Variants in ANKMY1 observed in about 807,000 individuals in gnomAD.
ANKMY1 encodes the protein ankyrin repeat and MYND domain containing 1, also known as ankyrin repeat and MYND domain-containing protein 1.
A neutral mutation model predicts 102.0 loss-of-function variants in ANKMY1; 98 were observed. That is an observed-to-expected ratio of 0.96 (90% CI 0.82 to 1.14). ANKMY1 has a LOEUF of 1.14. ANKMY1 is among the 50% of genes most tolerant of loss of function. The probability of loss-of-function intolerance (pLI) is 0.00; values close to 1 mark genes in which losing one functional copy is unlikely to be tolerated. For missense variants in ANKMY1, 1,330 were observed against 1,347.6 expected (o/e 0.99, Z 0.20); for synonymous variants, 582 against 559.9 (o/e 1.04, Z -0.56).
chr2:240,516,599 A>T (rs1336175695), intron 9 of ANKMY1, among the ~76,000 whole-genome samples: 1 of 152,256 alleles, frequency 6.6e-6, no homozygotes, highest in East Asian at 1.9e-4. Context: ...GTCTTTAACT[A>T]TGGCTGTCCT....
Position 240,520,148 on chromosome 2 carries a change from A to C in ANKMY1, c.2004+214T>G, listed in dbSNP as rs2081912546. ...CACACGGATCGTGAAGTACTCTAAA[A>C]ACTAGCTCGGTGTCCAAATCCTGTC... On this transcript the variant is annotated intron_variant, in intron 9 of 17. Transcript: ENST00000401804. The surrounding 1 kb of genome is among the most constrained non-coding windows in gnomAD (Gnocchi z 4.8). 1.2e-6 allele frequency: 1 copy of C among 805,390 alleles called. No individual in the cohort carries two copies. The highest frequency in any genetic ancestry group is 1.7e-5 in the African/African-American group (1 of 58,942). The allele number at this position is 805,390 out of a possible 1,614,324, so 49.9% of individuals were successfully genotyped here.
intron 4 of ANKMY1, among the ~76,000 whole-genome samples, chr2:240,544,039 G>C (rs1467935503): frequency 6.6e-6 from 1 of 152,090 alleles, no homozygotes; most frequent in Non-Finnish European, 1.5e-5. Context: ...GAATAATTTT[G>C]TCCAACTTAG....
Position 240,481,114 on chromosome 2 carries a change from C to T in ANKMY1, c.2886-17G>A. On this transcript the variant is annotated splice_polypyrimidine_tract_variant and intron_variant, in intron 16 of 17. Coordinates refer to ENST00000401804, the MANE Select transcript of ANKMY1 (RefSeq NM_001282771.3). ...AAGGGAATTCTGCAACAGAGCCTCA[C>T]CGTCAGCAGGCGGCCACTCCAGAAC... 2 of 1,599,402 alleles carry T rather than the reference C, an allele frequency of 1.3e-6. No homozygotes were observed. Among genetic ancestry groups the T allele is most frequent in the South Asian group, 1.1e-5 (1 of 90,692 alleles).
intron 10 of ANKMY1, 87 bp downstream of exon 10, chr2:240,512,715 C>T (rs1317889982): frequency 4.8e-6 from 7 of 1,454,510 alleles, no homozygotes; most frequent in Non-Finnish European, 6.4e-6. Flanking sequence ...TCATGCTCGG[C>T]AAGCACAGGC....
At chr2:240,550,439 A>T (rs2091302304) in intron 4 of ANKMY1, among the ~76,000 whole-genome samples, 2 of 151,884 alleles carry the variant, frequency 1.3e-5, no homozygotes, top group African/African-American at 4.8e-5. Flanking sequence ...GGTGCAGCAT[A>T]CCAGCATGGC....
chr2:240,553,849 T>C (rs11682225), intron 3 of ANKMY1: 94,486 of 151,856 alleles, frequency 0.62, 30,349 homozygotes, highest in South Asian at 0.83. Context: ...GAGCCGAGAT[T>C]GTGCCATTTG....
At chr2:240,484,598 C>T (rs1293057632) in intron 15 of ANKMY1, among the ~76,000 whole-genome samples, 2 of 152,274 alleles carry the variant, frequency 1.3e-5, no homozygotes, top group Non-Finnish European at 2.9e-5. Flanking sequence ...GCCATAAAAA[C>T]GCTAGAAGAA....
upstream of ANKMY1, chr2:240,560,412 A>C: frequency 9.5e-6 from 3 of 314,638 alleles, no homozygotes; most frequent in Non-Finnish European, 1.1e-5. Flanking sequence ...GCGCCCGGGG[A>C]CAGAGAACAT....
intron 4 of ANKMY1, among the ~76,000 whole-genome samples, chr2:240,540,401 G>C (rs2088387106): frequency 6.6e-6 from 1 of 152,146 alleles, no homozygotes; most frequent in South Asian, 2.1e-4. Flanking sequence ...CACAGAAATT[G>C]ACCCTTCTGG....
chr2:240,514,201 A>G (rs1387707795), intron 9 of ANKMY1, among the ~76,000 whole-genome samples: 2 of 152,234 alleles, frequency 1.3e-5, no homozygotes, highest in East Asian at 3.8e-4. Flanking sequence ...AAAACAGCAG[A>G]AGCACAAAGA....
At chr2:240,481,124 G>A (rs763629400) in intron 16 of ANKMY1, 27 bp from the exon 17 acceptor site, 12 of 1,597,848 alleles carry the variant, frequency 7.5e-6, no homozygotes, top group Non-Finnish European at 1.0e-5. Flanking sequence ...CCGTCAGCAG[G>A]CGGCCACTCC....
intron 17 of ANKMY1, among the ~76,000 whole-genome samples, chr2:240,480,435 C>T (rs541385146): frequency 1.3e-5 from 2 of 152,324 alleles, no homozygotes; most frequent in African/African-American, 4.8e-5. Flanking sequence ...GAGGGGCTTG[C>T]GGGAGACCAG....
chr2:240,550,744 T>C (rs1053852750), intron 4 of ANKMY1, among the ~76,000 whole-genome samples: 1 of 152,214 alleles, frequency 6.6e-6, no homozygotes, highest in African/African-American at 2.4e-5. Context: ...TATGACATTC[T>C]TGAAATTCTA....
Position 240,499,832 on chromosome 2 carries a change from C to G in ANKMY1, c.2806+126G>C, listed in dbSNP as rs772287106. 7.9e-7 allele frequency: 1 copy of G among 1,266,570 alleles called. No individual in the cohort carries two copies. Among genetic ancestry groups the G allele is most frequent in the Non-Finnish European group, 1.1e-6 (1 of 941,838 alleles). 78.5% of individuals were successfully genotyped at this position (1,266,570 alleles called of 1,614,324 possible). On this transcript the variant is annotated intron_variant, in intron 15 of 17. Transcript: ENST00000401804. The surrounding 1 kb of genome is among the most constrained non-coding windows in gnomAD (Gnocchi z 4.2). ...ACGGGACACAAAGGGGACAAGCCGA[C>G]GAGCCCAGCCCCAGGAAGGCCCCTC... is the stretch of plus-strand genomic sequence containing the variant.
Position 240,529,180 on chromosome 2 carries a change from G to A in ANKMY1, c.810C>T (p.Pro270=). Residue 270 remains proline, a synonymous_variant, in exon 5 of 18, where the codon CCC becomes CCT. Transcript: ENST00000401804. The surrounding 1 kb of genome is among the most constrained non-coding windows in gnomAD (Gnocchi z 4.2). ...GCTCTTTGCGGAAAGAGCTTGTCAT[G>A]GGCAGGTGGTCACTGTTGGTCGAGT... ...YVYSTNSDHL[P]MTSSFRKELD... 1 of 1,614,198 alleles carries A rather than the reference G, an allele frequency of 6.2e-7. No homozygotes were observed. Among genetic ancestry groups the A allele is most frequent in the East Asian group, 2.2e-5 (1 of 44,878 alleles).
chr2:240,495,130 C>A (rs1318267968), intron 15 of ANKMY1, among the ~76,000 whole-genome samples: 1 of 152,158 alleles, frequency 6.6e-6, no homozygotes, highest in African/African-American at 2.4e-5. Context: ...CACCAGAGGG[C>A]TCCTTGGTCT....
chr2:240,544,263 A>C (rs2089753344), intron 4 of ANKMY1, among the ~76,000 whole-genome samples: 1 of 152,232 alleles, frequency 6.6e-6, no homozygotes, highest in Non-Finnish European at 1.5e-5. Context: ...TTGGTTACTT[A>C]AAAAAGAAAG....
At chr2:240,496,207 A>C (rs1255614853) in intron 15 of ANKMY1, among the ~76,000 whole-genome samples, 1 of 152,064 alleles carries the variant, frequency 6.6e-6, no homozygotes, top group African/African-American at 2.4e-5. Context: ...TGTTTTACAA[A>C]TCTCTGTTTT....
At chr2:240,492,577 A>T (rs1019831213) in intron 15 of ANKMY1, among the ~76,000 whole-genome samples, 5 of 152,110 alleles carry the variant, frequency 3.3e-5, no homozygotes, top group African/African-American at 7.2e-5. Flanking sequence ...GTTATTTTTT[A>T]AAATGTCTCT....
Sources: gnomAD v4.1 joint callset for allele counts (sites outside exome capture counted in the v4.1 genomes callset) on GRCh38, gnomAD v4.1.1 for gene constraint, Gnocchi (gnomAD v3.1) non-coding constraint, MANE v1.5 for transcripts, NCBI Gene and HGNC (gene_info 2026-07-23, HGNC 2026-07-21) for gene names.